DEPDC5: variants seen among roughly 807,000 people sequenced by gnomAD.
DEPDC5 encodes GATOR1 complex protein DEPDC5.
Under a neutral mutation model 217.3 loss-of-function variants are expected in DEPDC5, and 73 were observed. The observed-to-expected ratio is 0.34, with a 90% CI of 0.28 to 0.41. DEPDC5 has a LOEUF of 0.41. Ranked by LOEUF, DEPDC5 falls within the 10% of genes least tolerant of loss-of-function variation. DEPDC5 has a pLI of 1.00. For missense variants in DEPDC5, 1,675 were observed against 2,070.1 expected (o/e 0.81, Z 3.70); for synonymous variants, 733 against 756.7 (o/e 0.97, Z 0.51).
intron 2 of DEPDC5, among the ~76,000 whole-genome samples, chr22:31,758,102 A>G (rs192123961): frequency 5.3e-5 from 8 of 152,234 alleles, no homozygotes; most frequent in Admixed American, 4.6e-4. Context: ...AGATCTAAAG[A>G]TTTATTGTGA....
At chr22:31,760,821 T>G in intron 4 of DEPDC5, 119 bp downstream of exon 4, 1 of 843,168 alleles carries the variant, frequency 1.2e-6, no homozygotes, top group South Asian at 1.8e-5. Context: ...TTAAACAAAT[T>G]TTAATTTAAC....
At chr22:31,824,663 T>C (rs981428933) in intron 24 of DEPDC5, among the ~76,000 whole-genome samples, 8 of 152,044 alleles carry the variant, frequency 5.3e-5, no homozygotes, top group African/African-American at 1.7e-4. Context: ...TACCTCTGGC[T>C]GCCAGATTAT....
At chr22:31,867,881 G>A (rs776553257) in intron 33 of DEPDC5, among the ~76,000 whole-genome samples, 2 of 152,142 alleles carry the variant, frequency 1.3e-5, no homozygotes, top group Non-Finnish European at 2.9e-5. Context: ...TCTTGTTATA[G>A]TACATGAGAG....
At position 31,872,223 on chromosome 22, in the gene DEPDC5, G is replaced by A. The variant is rs369380808; in HGVS notation, c.3486-1032G>A. Among the ~76,000 whole-genome samples, 8 of 152,344 alleles carry A rather than the reference G, an allele frequency of 5.3e-5. No individual in the cohort carries two copies. The East Asian group carries it at 1.3e-3, about 26-fold the overall frequency. The stretch of plus-strand genomic sequence containing the variant: ...ACACCTTTGAGCAAGAATGTGGGCA[G>A]CAGGTGGTGGAAAGGACTTTGGAGA... On this transcript the variant is annotated intron_variant, in intron 34 of 42. Transcript: ENST00000651528.
At chr22:31,815,949 A>G (rs2089050733) in intron 21 of DEPDC5, 17 of 996,164 alleles carry the variant, frequency 1.7e-5, no homozygotes, top group Non-Finnish European at 1.9e-5. Context: ...TTATTTCCTT[A>G]TGATTTCCAT....
intron 9 of DEPDC5, 181 bp from the exon 10 acceptor site, chr22:31,784,633 A>G (rs892118887): frequency 4.0e-6 from 2 of 504,976 alleles, no homozygotes; most frequent in African/African-American, 4.0e-5. Flanking sequence ...AAAAAAAAAA[A>G]AAAGATGTAC....
chr22:31,772,901 C>T (rs1347494449), intron 7 of DEPDC5, among the ~76,000 whole-genome samples: 1 of 152,060 alleles, frequency 6.6e-6, no homozygotes, highest in Non-Finnish European at 1.5e-5. Flanking sequence ...CCTACCTCAG[C>T]CTCCTGAATA....
At chr22:31,886,616 G>A (rs769412547) in intron 38 of DEPDC5, among the ~76,000 whole-genome samples, 1 of 149,626 alleles carries the variant, frequency 6.7e-6, no homozygotes, top group African/African-American at 2.5e-5. Flanking sequence ...AAAAATTAGC[G>A]AGGTGTGGTG....
intron 25 of DEPDC5, chr22:31,836,705 TCA>T: frequency 2.2e-6 from 1 of 455,738 alleles, no homozygotes; most frequent in Non-Finnish European, 3.9e-6. Flanking sequence ...CGGCTGCAGC[TCA>T]CAGTCAGCAG....
chr22:31,891,555 A>G (rs944261712), intron 38 of DEPDC5: 1 of 166,608 alleles, frequency 6.0e-6, no homozygotes, highest in Non-Finnish European at 1.3e-5. Context: ...GCCTTACAAC[A>G]GAAGCTCATT....
At chr22:31,899,272 T>C (rs1326061036) in intron 40 of DEPDC5, among the ~76,000 whole-genome samples, 4 of 152,266 alleles carry the variant, frequency 2.6e-5, no homozygotes, top group Admixed American at 2.6e-4. Context: ...GTGCCTCTTC[T>C]CTTTTTGTTC....
chr22:31,901,895 A>G, intron 41 of DEPDC5, 93 bp downstream of exon 41: 1 of 1,183,164 alleles, frequency 8.5e-7, no homozygotes, highest in South Asian at 1.3e-5. Context: ...TTTAGCTCCT[A>G]GAGAAAGGGA....
chr22:31,774,783 C>A (rs1387515788), intron 7 of DEPDC5, among the ~76,000 whole-genome samples: 1 of 152,038 alleles, frequency 6.6e-6, no homozygotes, highest in East Asian at 1.9e-4. Context: ...TTTGAGGCCA[C>A]CCTGGGCAAC....
intron 7 of DEPDC5, among the ~76,000 whole-genome samples, chr22:31,772,091 G>A (rs917779076): frequency 4.0e-5 from 6 of 151,796 alleles, no homozygotes; most frequent in African/African-American, 1.2e-4. Flanking sequence ...AAAAGAACGG[G>A]GGTTGGTGTC....
chr22:31,767,066 C>G (rs925652280), intron 6 of DEPDC5, among the ~76,000 whole-genome samples: 1 of 152,022 alleles, frequency 6.6e-6, no homozygotes, highest in African/African-American at 2.4e-5. Context: ...TGACTCTTGG[C>G]CAAAACCCAG....
intron 31 of DEPDC5, among the ~76,000 whole-genome samples, chr22:31,856,302 C>T (rs968594890): frequency 7.9e-5 from 12 of 152,116 alleles, no homozygotes; most frequent in Admixed American, 2.6e-4. Flanking sequence ...CCTGAAGGGG[C>T]CAACAACTGA....
At chr22:31,838,914 T>C in intron 27 of DEPDC5, 69 bp downstream of exon 27, 1 of 1,490,198 alleles carries the variant, frequency 6.7e-7, no homozygotes, top group Non-Finnish European at 9.1e-7. Context: ...GTTTTCAAGA[T>C]GGTAGGTAGT....
chr22:31,836,913 C>T, intron 25 of DEPDC5, 59 bp from the exon 26 acceptor site: 1 of 1,501,196 alleles, frequency 6.7e-7, no homozygotes, highest in South Asian at 1.2e-5. Context: ...CCCCTGGCCC[C>T]CCATCCCACA....
At chr22:31,849,775 C>T (rs546597625) in intron 31 of DEPDC5, among the ~76,000 whole-genome samples, 83 of 141,692 alleles carry the variant, frequency 5.9e-4, no homozygotes, top group Admixed American at 1.3e-3. Flanking sequence ...AGCAAGACTC[C>T]GTCTAAAAAA....
Sources: gnomAD v4.1 joint callset for allele counts (sites outside exome capture counted in the v4.1 genomes callset) on GRCh38, gnomAD v4.1.1 for gene constraint, MANE v1.5 for transcripts, NCBI Gene and HGNC (gene_info 2026-07-23, HGNC 2026-07-21) for gene names.